The following SH3TC2 variants were observed in gnomAD, a reference collection of about 807,000 sequenced individuals.
The protein encoded by SH3TC2 is SH3 domain and tetratricopeptide repeats 2, also known as SH3 domain and tetratricopeptide repeat-containing protein 2.
Under a neutral mutation model 124.5 loss-of-function variants are expected in SH3TC2, and 87 were observed. The ratio of observed to expected loss-of-function variants is 0.70; its 90% CI spans 0.59 to 0.84. The LOEUF (loss-of-function observed/expected upper bound fraction) is 0.84. Among genes scored for constraint, SH3TC2 ranks in the 40% least tolerant of loss-of-function variants. The pLI is 0.00. For missense variants in SH3TC2, 1,536 were observed against 1,566.4 expected, an observed-to-expected ratio of 0.98 and a Z score of 0.33; for synonymous variants, 634 against 628.5, an observed-to-expected ratio of 1.01 and a Z score of -0.13.
chr5:149,012,529 G>C, intron 13 of SH3TC2, 55 bp downstream of exon 13: 2 of 1,605,608 alleles, frequency 1.2e-6, no homozygotes, highest in African/African-American at 1.3e-5. Context: ...GGGTACAGCT[G>C]CCTCCCCAAA....
At chr5:149,028,753 T>G (rs1298248860) in intron 9 of SH3TC2, 35 bp from the exon 10 acceptor site, 1 of 1,613,162 alleles carries the variant, frequency 6.2e-7, no homozygotes, top group Non-Finnish European at 8.5e-7. Flanking sequence ...TGGTGTTAGG[T>G]CAGGATGGGC....
intron 12 of SH3TC2, among the ~76,000 whole-genome samples, chr5:149,014,304 CCTGCACACCAAAGTTTGAGAACCA>C (rs1753833958): frequency 6.6e-6 from 1 of 152,192 alleles, no homozygotes; most frequent in South Asian, 2.1e-4. Flanking sequence ...AGGTTACACT[CCTGCACACCAAAGTTTGAGAACCA>C]CTGCAGTAAA....
In SH3TC2 at chr5:148,985,939, C is replaced by A. The variant is rs1753325816; in HGVS notation, c.*18772G>T. On this transcript the variant is annotated 3_prime_UTR_variant, in exon 17 of 17. Transcript: ENST00000515425. ...CATGTCTGTGCTGGGAGCAAAGTAA[C>A]CTATAGATACCACTCGATCATTTTT... is the stretch of plus-strand genomic sequence containing the variant. Among the ~76,000 whole-genome samples, 1 of 152,134 alleles carries A rather than the reference C, an allele frequency of 6.6e-6. No individual in the cohort carries two copies. Among genetic ancestry groups the A allele is most frequent in the South Asian group, 2.1e-4 (1 of 4,830 alleles).
rs1051595396 is a variant in SH3TC2 at position 148,991,085 on chromosome 5, T to A, written c.*13626A>T. ...TTCCAGGGGACTTTCAAAACCCCAA[T>A]CCCTCAGAAGCCCCAAAACGTTTAA... On this transcript the variant is annotated 3_prime_UTR_variant, in exon 17 of 17. Coordinates refer to ENST00000515425, the MANE Select transcript of SH3TC2 (RefSeq NM_024577.4). Among the ~76,000 whole-genome samples the A allele has an allele frequency of 3.9e-5, 6 of 152,138 alleles. No homozygotes were observed. The highest frequency in any genetic ancestry group is 1.4e-4 in the African/African-American group (6 of 41,426).
chr5:149,056,592 T>A (rs1754652205), intron 1 of SH3TC2, among the ~76,000 whole-genome samples: 1 of 152,216 alleles, frequency 6.6e-6, no homozygotes, highest in Non-Finnish European at 1.5e-5. Context: ...GGTGTGTGTT[T>A]TTAATTAGCA....
intron 12 of SH3TC2, among the ~76,000 whole-genome samples, chr5:149,016,240 G>A (rs1753871144): frequency 6.6e-6 from 1 of 152,156 alleles, no homozygotes; most frequent in Non-Finnish European, 1.5e-5. Flanking sequence ...CTTGGACCAA[G>A]TAATAAGCCC....
chr5:149,000,413 G>C lies in SH3TC2; in HGVS notation c.*4298C>G, dbSNP rs145849837. On this transcript the variant is annotated 3_prime_UTR_variant, in exon 17 of 17. Transcript: ENST00000515425. ...CAATGCCAGATAAGGCCTAGGCTGG[G>C]TGCTTGCAATGAGCAACAGGACCTA... 6.6e-6 allele frequency among the ~76,000 whole-genome samples: 1 copy of C among 152,176 alleles called. No individual in the cohort carries two copies. Among genetic ancestry groups the C allele is most frequent in the East Asian group, 1.9e-4 (1 of 5,196 alleles).
At position 149,038,375 on chromosome 5, in the gene SH3TC2, C is replaced by A; in HGVS notation, c.921G>T (p.Trp307Cys). 1 of 1,614,206 alleles carries A rather than the reference C, an allele frequency of 6.2e-7. No homozygotes were observed. The highest frequency in any genetic ancestry group is 8.5e-7 in the Non-Finnish European group (1 of 1,180,030). Reference protein sequence around the residue: ...IIGFVIPGLQWFIGKSTSSGQ... With the variant: ...IIGFVIPGLQCFIGKSTSSGQ... ...CTGAACTTGTCGACTTTCCAATGAA[C>A]CACTGAAGCCCAGGTATGACAAAGC... The change falls in exon 8 of 17, where the codon TGG becomes TGT. Residue 307 changes from tryptophan (W) to cysteine (C), a missense_variant. Coordinates refer to ENST00000515425, the MANE Select transcript of SH3TC2 (RefSeq NM_024577.4).
intron 12 of SH3TC2, among the ~76,000 whole-genome samples, chr5:149,019,778 C>A (rs570336614): frequency 5.5e-4 from 84 of 152,262 alleles, no homozygotes; most frequent in Middle Eastern, 3.4e-3. Flanking sequence ...TTAGAGACAT[C>A]CTGCTTGTCC....
In SH3TC2 at chr5:148,984,638, T is replaced by G. The variant is rs767030893; in HGVS notation, c.*20073A>C. Among the ~76,000 whole-genome samples, 38 of 152,160 alleles carry G rather than the reference T, an allele frequency of 2.5e-4. 1 individual carries two copies. The highest frequency in any genetic ancestry group is 5.4e-4 in the Non-Finnish European group (37 of 68,030). ...TATCTCCAAGGTTGGTCTTTCAGGT[T>G]GGCATATAGGAAGGAATTTGTCAGC... On this transcript the variant is annotated 3_prime_UTR_variant, in exon 17 of 17. Coordinates refer to ENST00000515425, the MANE Select transcript of SH3TC2 (RefSeq NM_024577.4).
rs778863028 is a variant in SH3TC2, at chr5:149,052,237, T to C, written c.56A>G (p.Lys19Arg). 12 of 1,604,534 alleles carry C rather than the reference T, an allele frequency of 7.5e-6. No homozygotes were observed. In the Admixed American group the frequency reaches 1.3e-4, roughly 18 times the overall value. The change falls in exon 2 of 17, where the codon AAA becomes AGA. Residue 19 changes from lysine (K) to arginine (R), a missense_variant. Around this residue, in one of 3 missense-constraint regions of SH3TC2, gnomAD observed 1,102 missense variants for 1,098.6 expected, o/e 1.00. Transcript: ENST00000515425. Reference sequence around the variant, plus strand: ...AGTTGGATCCTTGGAAGGAGTTTCTTTACCTGGAGAAGATGAAATAAAAGG... The same window carrying C: ...AGTTGGATCCTTGGAAGGAGTTTCTCTACCTGGAGAAGATGAAATAAAAGG... ...RERSLTRGPG[K>R]ETPSKDPTVS...
In SH3TC2 at chr5:149,028,467, G is replaced by A. The variant is rs754865697; in HGVS notation, c.1265C>T (p.Ser422Phe). The A allele has an allele frequency of 5.0e-6, 8 of 1,612,730 alleles. No individual in the cohort carries two copies. The highest frequency in any genetic ancestry group is 1.7e-5 in the Admixed American group (1 of 59,916). Residue 422 changes from serine to phenylalanine, a missense_variant, in exon 11 of 17, where the codon TCT (serine) becomes TTT (phenylalanine). This residue lies in a region of SH3TC2 where 1,102 missense variants were observed against 1,098.6 expected (regional missense o/e 1.00). Transcript: ENST00000515425. ...QAVGSRQSSS[S>F]EDSSLEEELL... is the part of the protein sequence containing the mutation. ...CTCCTCCTCCAGGCTGGAGTCCTCA[G>A]AGCTGCTGGACTGTCTGGACCCCAC...
rs1209378895 is a variant in SH3TC2, at chr5:148,990,255, G to A, written c.*14456C>T. ...ATTGGTCATTTAAAATATATTCATA[G>A]TAAGATGACAAACTGTTCCTCTTTA... On this transcript the variant is annotated 3_prime_UTR_variant, in exon 17 of 17. Transcript: ENST00000515425. 6.6e-6 allele frequency among the ~76,000 whole-genome samples: 1 copy of A among 151,268 alleles called. No homozygotes were observed. Among genetic ancestry groups the A allele is most frequent in the Admixed American group, 6.6e-5 (1 of 15,234 alleles).
At chr5:149,022,230 A>G (rs1313876489) in intron 12 of SH3TC2, among the ~76,000 whole-genome samples, 1 of 152,190 alleles carries the variant, frequency 6.6e-6, no homozygotes, top group East Asian at 1.9e-4. Flanking sequence ...TAAAAAATGG[A>G]CACGTGAATA....
Position 149,027,740 on chromosome 5 carries a change from T to C in SH3TC2, c.1992A>G (p.Gly664=), listed in dbSNP as rs1380437828. 3.7e-6 allele frequency: 6 copies of C among 1,613,904 alleles called. No homozygotes were observed. The African/African-American group carries it at 4.0e-5, about 11-fold the overall frequency. Residue 664 remains glycine, a synonymous_variant, in exon 11 of 17, where the codon GGA becomes GGG. Transcript: ENST00000515425. ...CCACAGCCTCAGAGGCAGGAGGGTG[T>C]CCAGAGAGGAGCTGCAGGCGCTCGG... is the stretch of plus-strand genomic sequence containing the variant. ...PFAERLQLLS[G]HPPASEAVAS... is the part of the protein sequence containing the mutation.
intron 16 of SH3TC2, 134 bp from the exon 17 acceptor site, chr5:149,005,036 C>T (rs1753663859): frequency 5.7e-6 from 6 of 1,047,482 alleles, no homozygotes; most frequent in Admixed American, 4.0e-5. Flanking sequence ...CATCCAATCC[C>T]CATCTCCTGA....
chr5:149,058,670 G>C (rs1350078360), intron 1 of SH3TC2, among the ~76,000 whole-genome samples: 1 of 152,012 alleles, frequency 6.6e-6, no homozygotes, highest in African/African-American at 2.4e-5. Context: ...GCAGGATGGG[G>C]TGGGAATGAG....
Position 149,010,141 on chromosome 5 carries a change from T to C in SH3TC2, c.3327+129A>G, listed in dbSNP as rs1753759245. On this transcript the variant is annotated intron_variant, in intron 14 of 16. Transcript: ENST00000515425. Reference sequence around the variant, plus strand: ...GAAGAGAGAGTGAGTAGGTGGGCACTGGACAAGAAAGAGAGAAAAATGAAA... The same window carrying C: ...GAAGAGAGAGTGAGTAGGTGGGCACCGGACAAGAAAGAGAGAAAAATGAAA... The C allele has an allele frequency of 1.5e-5, 20 of 1,327,468 alleles. 1 individual carries two copies. The highest frequency in any genetic ancestry group is 2.5e-4 in the Middle Eastern group (1 of 3,944). The allele number at this position is 1,327,468 out of a possible 1,614,324, so 82.2% of individuals were successfully genotyped here.
chr5:149,037,991 G>A (rs1168349955), intron 8 of SH3TC2, among the ~76,000 whole-genome samples: 1 of 152,180 alleles, frequency 6.6e-6, no homozygotes, highest in East Asian at 1.9e-4. Context: ...GTTAGACAGT[G>A]TGGGTAGCAG....
Sources: allele counts gnomAD v4.1 joint callset (sites outside exome capture counted in the v4.1 genomes callset), GRCh38; gene constraint gnomAD v4.1.1; regional missense constraint gnomAD v4.1.1; transcripts MANE v1.5; gene names NCBI Gene and HGNC (gene_info 2026-07-23, HGNC 2026-07-21).